SMIM40: variants seen among roughly 807,000 people sequenced by gnomAD.
The protein encoded by SMIM40 is small integral membrane protein 40.
At chr6:33,325,848 A>G (rs1176653581) in intron 1 of SMIM40, among the ~76,000 whole-genome samples, 1 of 144,886 alleles carries the variant, frequency 6.9e-6, no homozygotes, top group Non-Finnish European at 1.5e-5. Flanking sequence ...ACAGAGCGAG[A>G]CTCCGTCTTA....
chr6:33,323,949 A>C (rs1323253511), intron 2 of SMIM40, 22 bp downstream of exon 2: 1 of 152,312 alleles, frequency 6.6e-6, no homozygotes, highest in Non-Finnish European at 1.5e-5. Flanking sequence ...ATGAAGGATG[A>C]AGAAACAGAT....
intron 1 of SMIM40, among the ~76,000 whole-genome samples, chr6:33,328,226 T>C (rs1771332889): frequency 6.6e-6 from 1 of 151,460 alleles, no homozygotes; most frequent in Admixed American, 6.6e-5. Context: ...TCTCGCTCTG[T>C]CACCCAGGCC....
intron 1 of SMIM40, among the ~76,000 whole-genome samples, chr6:33,326,996 C>A (rs375193281): frequency 6.8e-6 from 1 of 147,566 alleles, no homozygotes; most frequent in South Asian, 2.1e-4. Context: ...TAGTGGCGGG[C>A]GCCTGTAGTC....
chr6:33,326,443 T>C (rs1463372020), intron 1 of SMIM40, among the ~76,000 whole-genome samples: 4 of 148,556 alleles, frequency 2.7e-5, no homozygotes, highest in African/African-American at 1.0e-4. Context: ...CCCAAAGTGC[T>C]GGGATTACAG....
At chr6:33,325,907 T>G (rs1424776488) in intron 1 of SMIM40, among the ~76,000 whole-genome samples, 3 of 149,164 alleles carry the variant, frequency 2.0e-5, no homozygotes, top group African/African-American at 7.7e-5. Flanking sequence ...AACATTCTGT[T>G]CTTATAATAA....
chr6:33,324,882 C>CAAAAAAAAAA lies in SMIM40; in HGVS notation c.*40-862_*40-853dup, dbSNP rs376451265. Among the ~76,000 whole-genome samples the CAAAAAAAAAA allele has an allele frequency of 1.8e-3, 84 of 47,242 alleles. 1 individual carries two copies. Among genetic ancestry groups the CAAAAAAAAAA allele is most frequent in the South Asian group, 4.1e-3 (3 of 734 alleles). The allele number at this position is 47,242 out of a possible 152,430, so 31.0% of individuals were successfully genotyped here. On this transcript the variant is annotated intron_variant, in intron 1 of 2. Transcript: ENST00000494082. ...CCTGGGCGACAGAGCGAGATTATCTCAAAAAAAAAAAAAAAAAAAAAAAAA... is the reference window on the plus strand; with the variant it reads ...CCTGGGCGACAGAGCGAGATTATCTCAAAAAAAAAAAAAAAAAAAAAAAAAAAAAAAAAAA...
chr6:33,328,749 G>A (rs191706473), intron 1 of SMIM40, among the ~76,000 whole-genome samples: 8 of 151,986 alleles, frequency 5.3e-5, no homozygotes, highest in Admixed American at 1.3e-4. Flanking sequence ...AGCAGGGGGC[G>A]GTGGCGCATG....
chr6:33,324,252 C>T (rs1026720986), intron 1 of SMIM40, among the ~76,000 whole-genome samples: 12 of 152,106 alleles, frequency 7.9e-5, no homozygotes, highest in Non-Finnish European at 1.3e-4. Context: ...AAACTCTCCG[C>T]GAGGACTGGG....
intron 1 of SMIM40, among the ~76,000 whole-genome samples, chr6:33,324,545 CTTTTTTTTT>C (rs9280406): frequency 4.8e-5 from 5 of 103,206 alleles, no homozygotes; most frequent in Admixed American, 2.2e-4. Context: ...ACCACCTTTT[CTTTTTTTTT>C]TTTTTTTTTT....
intron 1 of SMIM40, among the ~76,000 whole-genome samples, chr6:33,324,315 G>A (rs1413998653): frequency 6.6e-6 from 1 of 151,482 alleles, no homozygotes; most frequent in Non-Finnish European, 1.5e-5. Flanking sequence ...TCCCAAAATT[G>A]GTCTTCCTAA....
rs967243647 is a variant in SMIM40, at chr6:33,329,188, G to C, written c.78C>G (p.Pro26=). ...AAGCCTTGTCCAAGGCACGTCGCAC[G>C]GGACCCCTGGGAGGGGAGGGACCCT... ...FAQGPSPPRG[P]VRRALDKAFF... Residue 26 remains proline, a synonymous_variant, in exon 1 of 3, where the codon CCC becomes CCG. Coordinates refer to ENST00000494082, the MANE Select transcript of SMIM40 (RefSeq NM_001369203.1). 1.0e-5 allele frequency: 4 copies of C among 398,670 alleles called. No individual in the cohort carries two copies. The highest frequency in any genetic ancestry group is 2.1e-5 in the African/African-American group (1 of 48,660). The allele number at this position is 398,670 out of a possible 1,614,324, so 24.7% of individuals were successfully genotyped here. A position where few individuals can be genotyped will look rare whatever the true frequency, so the allele number is the denominator to read the frequency against.
chr6:33,325,930 C>T (rs1771145037), intron 1 of SMIM40, among the ~76,000 whole-genome samples: 1 of 148,868 alleles, frequency 6.7e-6, no homozygotes, highest in Admixed American at 6.6e-5. Flanking sequence ...GTAACAGTAA[C>T]TCCTCCAGAA....
chr6:33,327,427 A>C (rs919003365), intron 1 of SMIM40, among the ~76,000 whole-genome samples: 1 of 149,636 alleles, frequency 6.7e-6, no homozygotes, highest in Non-Finnish European at 1.5e-5. Context: ...GTCTCAAAAA[A>C]TAAATAAATA....
chr6:33,327,861 CA>C (rs375476107), intron 1 of SMIM40, among the ~76,000 whole-genome samples: 62 of 70,362 alleles, frequency 8.8e-4, no homozygotes, highest in African/African-American at 1.6e-3. Flanking sequence ...GACTCTGTCA[CA>C]AAAAAAAAAA....
At chr6:33,328,200 T>G (rs35514703) in intron 1 of SMIM40, among the ~76,000 whole-genome samples, 3,444 of 151,838 alleles carry the variant, frequency 0.023, 61 homozygotes, top group Non-Finnish European at 0.039. Context: ...ATTTATTTAT[T>G]TATTTTTGGA....
intron 1 of SMIM40, among the ~76,000 whole-genome samples, chr6:33,328,641 C>T (rs182537672): frequency 6.6e-6 from 1 of 151,674 alleles, no homozygotes; most frequent in Non-Finnish European, 1.5e-5. Flanking sequence ...GTAATCCCAG[C>T]GCTTTGGGAG....
intron 1 of SMIM40, 140 bp from the exon 2 acceptor site, chr6:33,324,170 C>A (rs1015264811): frequency 6.6e-6 from 1 of 152,122 alleles, no homozygotes; most frequent in Non-Finnish European, 1.5e-5. Flanking sequence ...CGCAAACACC[C>A]GTCCGTTGAA....
intron 1 of SMIM40, among the ~76,000 whole-genome samples, chr6:33,327,295 G>A (rs1021913448): frequency 3.3e-5 from 5 of 149,310 alleles, no homozygotes; most frequent in Middle Eastern, 3.4e-3. Context: ...GGTGGCTCGC[G>A]CCTTTAGTCC....
Position 33,327,861 on chromosome 6 carries a change from C to CAAAAAAA in SMIM40, c.*39+1119_*39+1125dup, listed in dbSNP as rs375476107. 3.8e-3 allele frequency among the ~76,000 whole-genome samples: 262 copies of CAAAAAAA among 69,674 alleles called. 2 individuals carry two copies. The highest frequency in any genetic ancestry group is 5.3e-3 in the Non-Finnish European group (198 of 37,480). 45.7% of individuals were successfully genotyped at this position (69,674 alleles called of 152,430 possible). Reference sequence around the variant, plus strand: ...GCCTGGGCAACAGGAGACTCTGTCACAAAAAAAAAAAAAAAAAAAGAGTTC... The same window carrying CAAAAAAA: ...GCCTGGGCAACAGGAGACTCTGTCACAAAAAAAAAAAAAAAAAAAAAAAAAAGAGTTC... On this transcript the variant is annotated intron_variant, in intron 1 of 2. Transcript: ENST00000494082.
Sources: allele counts gnomAD v4.1 joint callset (sites outside exome capture counted in the v4.1 genomes callset), GRCh38; gene constraint gnomAD v4.1.1; transcripts MANE v1.5; gene names NCBI Gene and HGNC (gene_info 2026-07-23, HGNC 2026-07-21).